Variants in CC2D2A observed in about 807,000 individuals in gnomAD.
CC2D2A encodes coiled-coil and C2 domain containing 2A, also known as coiled-coil and C2 domain-containing protein 2A.
A neutral mutation model predicts 212.9 loss-of-function variants in CC2D2A; 155 were observed. The ratio of observed to expected loss-of-function variants is 0.73; its 90% CI spans 0.64 to 0.83. CC2D2A has a LOEUF of 0.83. Among genes scored for constraint, CC2D2A ranks in the 40% least tolerant of loss-of-function variants. CC2D2A has a pLI of 0.00. For synonymous variants in CC2D2A, 667 were observed against 686.5 expected, an observed-to-expected ratio of 0.97 and a Z score of 0.44; for missense variants, 1,856 against 1,956.2, an observed-to-expected ratio of 0.95 and a Z score of 0.97.
At chr4:15,549,717 C>T (rs1390459005) in intron 17 of CC2D2A, among the ~76,000 whole-genome samples, 1 of 152,110 alleles carries the variant, frequency 6.6e-6, no homozygotes, top group Non-Finnish European at 1.5e-5. Flanking sequence ...GCAGGAGAAT[C>T]GCTTGAACCC....
At chr4:15,505,743 TA>T (rs1199300278) in intron 6 of CC2D2A, among the ~76,000 whole-genome samples, 4 of 152,104 alleles carry the variant, frequency 2.6e-5, no homozygotes, top group Non-Finnish European at 5.9e-5. Flanking sequence ...TCATCAAAAT[TA>T]AAAACTTGTA....
chr4:15,509,048 A>G (rs543435321), intron 6 of CC2D2A, among the ~76,000 whole-genome samples: 28 of 152,166 alleles, frequency 1.8e-4, no homozygotes, highest in Non-Finnish European at 3.8e-4. Flanking sequence ...TTTCAGAGGC[A>G]AAAGGGAATA....
intron 20 of CC2D2A, 129 bp downstream of exon 20, chr4:15,555,339 C>T: frequency 8.5e-7 from 1 of 1,183,070 alleles, no homozygotes; most frequent in Non-Finnish European, 1.2e-6. Flanking sequence ...GTTTGAATTC[C>T]AGCTGTGCTT....
chr4:15,518,369 C>T (rs1717004561), intron 11 of CC2D2A, among the ~76,000 whole-genome samples: 3 of 152,246 alleles, frequency 2.0e-5, no homozygotes, highest in Admixed American at 2.0e-4. Flanking sequence ...TCTTGGGCAG[C>T]TTCGCCTCTG....
At chr4:15,560,906 G>C (rs567589097) in intron 23 of CC2D2A, among the ~76,000 whole-genome samples, 1 of 152,054 alleles carries the variant, frequency 6.6e-6, no homozygotes, top group African/African-American at 2.4e-5. Context: ...TCTCATTCCC[G>C]TTGAACTAAA....
At chr4:15,590,548 A>G (rs1189726272) in intron 33 of CC2D2A, among the ~76,000 whole-genome samples, 2 of 152,138 alleles carry the variant, frequency 1.3e-5, no homozygotes, top group African/African-American at 2.4e-5. Flanking sequence ...AGACTGCCTC[A>G]GTTTAAACTC....
At chr4:15,527,682 T>C (rs10007035) in intron 12 of CC2D2A, 26 bp downstream of exon 12, 2 of 1,542,738 alleles carry the variant, frequency 1.3e-6, no homozygotes, top group Admixed American at 1.9e-5. Context: ...TCCATAATGA[T>C]TGTCAATGGA....
chr4:15,587,889 G>A lies in CC2D2A; in HGVS notation c.4139G>A (p.Gly1380Asp), dbSNP rs1271963891. Reference sequence around the variant, plus strand: ...TTGTGTAATTACTTTCTGTCTCTGGGTAAGAAGGCCTGGCTGTTGATGGGC... The same window carrying A: ...TTGTGTAATTACTTTCTGTCTCTGGATAAGAAGGCCTGGCTGTTGATGGGC... ...VLLCNYFLSL[G>D]KKAWLLMGNA... The change falls in exon 32 of 37, where the codon GGT becomes GAT. Residue 1380 changes from glycine to aspartate, a missense_variant. Coordinates refer to ENST00000424120, the MANE Select transcript of CC2D2A (RefSeq NM_001378615.1). 1.2e-6 allele frequency: 2 copies of A among 1,613,200 alleles called. No individual in the cohort carries two copies. The highest frequency in any genetic ancestry group is 1.1e-5 in the South Asian group (1 of 91,034).
At chr4:15,490,162 A>C (rs779730623) in intron 4 of CC2D2A, among the ~76,000 whole-genome samples, 1 of 152,252 alleles carries the variant, frequency 6.6e-6, no homozygotes. Context: ...TATAACTTAC[A>C]TATCATAAAA....
At chr4:15,479,453 G>T in intron 3 of CC2D2A, 2 of 787,434 alleles carry the variant, frequency 2.5e-6, no homozygotes, top group South Asian at 3.0e-5. Flanking sequence ...GCGCCATTTT[G>T]AGCCAGCAGT....
At chr4:15,522,212 T>G (rs979172078) in intron 11 of CC2D2A, among the ~76,000 whole-genome samples, 3 of 152,094 alleles carry the variant, frequency 2.0e-5, no homozygotes, top group Non-Finnish European at 4.4e-5. Flanking sequence ...AAAAAATACA[T>G]GCATACATGC....
intron 23 of CC2D2A, among the ~76,000 whole-genome samples, chr4:15,562,293 G>A (rs914563518): frequency 6.6e-6 from 1 of 152,252 alleles, no homozygotes; most frequent in African/African-American, 2.4e-5. Context: ...ATTATAGCCT[G>A]TGGCCAGCTC....
At chr4:15,555,605 GGC>G (rs1719237923) in intron 20 of CC2D2A, among the ~76,000 whole-genome samples, 1 of 152,218 alleles carries the variant, frequency 6.6e-6, no homozygotes, top group East Asian at 1.9e-4. Flanking sequence ...TTGGCACGGT[GGC>G]GCATGCCTAT....
intron 35 of CC2D2A, among the ~76,000 whole-genome samples, chr4:15,598,876 A>G (rs1444826183): frequency 6.6e-6 from 1 of 152,130 alleles, no homozygotes; most frequent in Middle Eastern, 3.2e-3. Context: ...AAAACATTTC[A>G]TGGCCAAGCG....
Position 15,506,068 on chromosome 4 carries a change from G to A in CC2D2A, c.438+3145G>A, listed in dbSNP as rs138382957. Among the ~76,000 whole-genome samples, 517 of 152,306 alleles carry A rather than the reference G, an allele frequency of 3.4e-3. 3 individuals carry two copies. The highest frequency in any genetic ancestry group is 0.012 in the African/African-American group (488 of 41,558). ...ATACAACAAATTTAAGGGTGAGAAA[G>A]AATTTCTAGATGGATATGTGCACAT... On this transcript the variant is annotated intron_variant, in intron 6 of 36. Coordinates refer to ENST00000424120, the MANE Select transcript of CC2D2A (RefSeq NM_001378615.1).
At chr4:15,470,689 CTATATATATATA>C (rs199958992) in intron 1 of CC2D2A, among the ~76,000 whole-genome samples, 678 of 50,442 alleles carry the variant, frequency 0.013, 3 homozygotes, top group African/African-American at 0.048. Flanking sequence ...CTCTCTCTCT[CTATATATATATA>C]TATATATATA....
In CC2D2A at chr4:15,579,950, A is replaced by G. The variant is rs1319223697; in HGVS notation, c.3772-18A>G. ...CTTGTAATCATACATAAACTCCATG[A>G]AGTCTTTCTTTTTGAAGTTTGAGTC... is the stretch of plus-strand genomic sequence containing the variant. On this transcript the variant is annotated intron_variant, in intron 29 of 36. Coordinates refer to ENST00000424120, the MANE Select transcript of CC2D2A (RefSeq NM_001378615.1). 3 of 1,594,748 alleles carry G rather than the reference A, an allele frequency of 1.9e-6. No individual in the cohort carries two copies. Among genetic ancestry groups the G allele is most frequent in the South Asian group, 1.1e-5 (1 of 90,596 alleles).
At chr4:15,591,985 T>C (rs1721126240) in intron 33 of CC2D2A, among the ~76,000 whole-genome samples, 1 of 152,232 alleles carries the variant, frequency 6.6e-6, no homozygotes, top group Admixed American at 6.5e-5. Flanking sequence ...AAACCTGCTC[T>C]AAGCCTTGGC....
rs1716552711 is a variant in CC2D2A at position 15,511,246 on chromosome 4, G to A, written c.541-1G>A. 6.3e-7 allele frequency: 1 copy of A among 1,595,118 alleles called. No homozygotes were observed. Among genetic ancestry groups the A allele is most frequent in the Non-Finnish European group, 8.5e-7 (1 of 1,172,094 alleles). ...TGCGATTGCTCCTTGCTTTTCGTTA[G>A]GTTCCACCTGGCTTCCCTTCTGCAG... On this transcript the variant is annotated splice_acceptor_variant, in intron 7 of 36. Coordinates refer to ENST00000424120, the MANE Select transcript of CC2D2A (RefSeq NM_001378615.1). LOFTEE classifies it high-confidence loss of function.
Sources: gnomAD v4.1 joint callset for allele counts (sites outside exome capture counted in the v4.1 genomes callset) on GRCh38, gnomAD v4.1.1 for gene constraint, MANE v1.5 for transcripts, NCBI Gene and HGNC (gene_info 2026-07-23, HGNC 2026-07-21) for gene names.